Variants in ALK observed in about 807,000 individuals in gnomAD.
The protein encoded by ALK is ALK receptor tyrosine kinase.
Under a neutral mutation model 163.1 loss-of-function variants are expected in ALK, and 74 were observed. The ratio of observed to expected loss-of-function variants is 0.45; its 90% CI spans 0.38 to 0.55. ALK has a LOEUF of 0.55. Among genes scored for constraint, ALK ranks in the 20% least tolerant of loss-of-function variants. The pLI is 0.00. For synonymous variants in ALK, 960 were observed against 843.2 expected (o/e 1.14, Z -2.40); for missense variants, 2,063 against 2,105.3 (o/e 0.98, Z 0.39).
At chr2:29,634,425 C>A (rs1368808329) in intron 3 of ALK, among the ~76,000 whole-genome samples, 1 of 151,862 alleles carries the variant, frequency 6.6e-6, no homozygotes, top group African/African-American at 2.4e-5. Flanking sequence ...GAATTATATA[C>A]CATGATTAAC....
chr2:29,814,193 G>C (rs866691946), intron 1 of ALK, among the ~76,000 whole-genome samples: 1 of 152,168 alleles, frequency 6.6e-6, no homozygotes, highest in Non-Finnish European at 1.5e-5. Context: ...TTTCATAGAA[G>C]AGGCACTGAG....
At chr2:29,435,435 T>C (rs927816384) in intron 4 of ALK, among the ~76,000 whole-genome samples, 3 of 151,996 alleles carry the variant, frequency 2.0e-5, no homozygotes, top group Non-Finnish European at 4.4e-5. Context: ...AGGATAAAAC[T>C]GAGCACTTCG....
chr2:29,587,465 T>A (rs1158206251), intron 3 of ALK, among the ~76,000 whole-genome samples: 1 of 152,148 alleles, frequency 6.6e-6, no homozygotes, highest in Non-Finnish European at 1.5e-5. Flanking sequence ...CAAGAGTAAA[T>A]CAAAATTTTT....
At chr2:29,350,240 G>C (rs1295775026) in intron 5 of ALK, among the ~76,000 whole-genome samples, 2 of 152,242 alleles carry the variant, frequency 1.3e-5, no homozygotes, top group African/African-American at 4.8e-5. Flanking sequence ...TGGTTGAAGG[G>C]ATAAGATGGA....
intron 24 of ALK, among the ~76,000 whole-genome samples, chr2:29,211,606 G>A (rs959773523): frequency 3.9e-5 from 6 of 152,194 alleles, no homozygotes; most frequent in Non-Finnish European, 7.3e-5. Flanking sequence ...TTCCAAAAGC[G>A]TAAAAGTATA....
At chr2:29,377,818 C>T (rs1324616083) in intron 5 of ALK, among the ~76,000 whole-genome samples, 1 of 152,176 alleles carries the variant, frequency 6.6e-6, no homozygotes, top group South Asian at 2.1e-4. Flanking sequence ...CTTTGGATAC[C>T]TTCACCTTCC....
chr2:29,812,226 G>T (rs2148372243), intron 1 of ALK, among the ~76,000 whole-genome samples: 1 of 152,318 alleles, frequency 6.6e-6, no homozygotes, highest in South Asian at 2.1e-4. Flanking sequence ...CAGCATCTAA[G>T]CCTGCCGGGG....
At chr2:29,530,294 C>G (rs1016475522) in intron 4 of ALK, among the ~76,000 whole-genome samples, 2 of 152,180 alleles carry the variant, frequency 1.3e-5, no homozygotes, top group African/African-American at 4.8e-5. Flanking sequence ...GGCCCTATGG[C>G]CAGTCATACC....
intron 1 of ALK, among the ~76,000 whole-genome samples, chr2:29,793,257 T>C (rs1664231652): frequency 6.6e-6 from 1 of 152,150 alleles, no homozygotes. Context: ...AGCAATTCAG[T>C]CACATCTTTG....
chr2:29,652,595 A>C (rs1474814467), intron 3 of ALK, among the ~76,000 whole-genome samples: 1 of 152,188 alleles, frequency 6.6e-6, no homozygotes, highest in South Asian at 2.1e-4. Context: ...CACTGGAAAG[A>C]CCAAGGCAGG....
intron 1 of ALK, among the ~76,000 whole-genome samples, chr2:29,805,856 C>T (rs1664595951): frequency 6.6e-6 from 1 of 152,152 alleles, no homozygotes; most frequent in Non-Finnish European, 1.5e-5. Flanking sequence ...CTCTCCATCC[C>T]TGACTCTTCA....
rs1484499252 is a variant in ALK, at chr2:29,776,343, A to G, written c.668-58646T>C. Among the ~76,000 whole-genome samples the G allele has an allele frequency of 2.8e-4, 12 of 43,144 alleles. 1 individual carries two copies. Among genetic ancestry groups the G allele is most frequent in the Admixed American group, 3.7e-4 (1 of 2,686 alleles). 28.3% of individuals were successfully genotyped at this position (43,144 alleles called of 152,430 possible). A position where few individuals can be genotyped will look rare whatever the true frequency, so the allele number is the denominator to read the frequency against. ...GTTCATCAAAAATCAATTTAAAAGT[A>G]AAAAACAGCAATGGTAAACCCCCTC... On this transcript the variant is annotated intron_variant, in intron 1 of 28. Coordinates refer to ENST00000389048, the MANE Select transcript of ALK (RefSeq NM_004304.5).
intron 3 of ALK, among the ~76,000 whole-genome samples, chr2:29,625,591 G>A (rs1024233199): frequency 1.1e-4 from 16 of 152,182 alleles, no homozygotes; most frequent in African/African-American, 3.6e-4. Flanking sequence ...GGGTTGCGTC[G>A]GGAGAAATCT....
chr2:29,338,577 C>T (rs1472521165), intron 5 of ALK, among the ~76,000 whole-genome samples: 1 of 152,226 alleles, frequency 6.6e-6, no homozygotes, highest in East Asian at 1.9e-4. Context: ...TGAAGAAAGA[C>T]ACGCATCTCC....
chr2:29,860,122 G>A lies in ALK; in HGVS notation c.667+59871C>T, dbSNP rs189598370. Among the ~76,000 whole-genome samples, 548 of 152,318 alleles carry A rather than the reference G, an allele frequency of 3.6e-3. 2 individuals carry two copies. The highest frequency in any genetic ancestry group is 6.2e-3 in the Non-Finnish European group (419 of 68,030). On this transcript the variant is annotated intron_variant, in intron 1 of 28. Coordinates refer to ENST00000389048, the MANE Select transcript of ALK (RefSeq NM_004304.5). Reference sequence around the variant, plus strand: ...AATAAGACACACAAAGACCTACATGGCTAGGGCCTTAAAATGTTCCCCTTG... The same window carrying A: ...AATAAGACACACAAAGACCTACATGACTAGGGCCTTAAAATGTTCCCCTTG...
At chr2:29,499,387 G>A (rs1401098486) in intron 4 of ALK, among the ~76,000 whole-genome samples, 1 of 152,012 alleles carries the variant, frequency 6.6e-6, no homozygotes, top group Non-Finnish European at 1.5e-5. Flanking sequence ...TAGTAAACAA[G>A]GTTTCATCAC....
rs151240492 is a variant in ALK, at chr2:29,607,128, G to C, written c.953-75012C>G. Among the ~76,000 whole-genome samples the C allele has an allele frequency of 4.5e-3, 688 of 152,270 alleles. 4 individuals are homozygous for C. The highest frequency in any genetic ancestry group is 0.016 in the African/African-American group (656 of 41,554). ...TTCTATTGTTTTTTCTAAGCCTGTA[G>C]ACAGGCCTTACTTAGATTTTCAAGT... is the stretch of plus-strand genomic sequence containing the variant. On this transcript the variant is annotated intron_variant, in intron 3 of 28. Transcript: ENST00000389048.
intron 3 of ALK, among the ~76,000 whole-genome samples, chr2:29,653,904 A>G (rs1429685515): frequency 2.0e-5 from 3 of 152,098 alleles, no homozygotes; most frequent in Non-Finnish European, 2.9e-5. Flanking sequence ...CCTACTAAAA[A>G]TACAAAAATC....
intron 1 of ALK, among the ~76,000 whole-genome samples, chr2:29,743,217 G>T (rs1029154239): frequency 6.6e-6 from 1 of 152,166 alleles, no homozygotes; most frequent in Non-Finnish European, 1.5e-5. Context: ...GATTTCTAAA[G>T]CTTCTACAAT....
Sources: gnomAD v4.1 joint callset for allele counts (sites outside exome capture counted in the v4.1 genomes callset) on GRCh38, gnomAD v4.1.1 for gene constraint, MANE v1.5 for transcripts, NCBI Gene and HGNC (gene_info 2026-07-23, HGNC 2026-07-21) for gene names.